The following ANK2 variants were observed in gnomAD, a reference collection of about 807,000 sequenced individuals.
The protein encoded by ANK2 is ankyrin-2.
Under a neutral mutation model 360.5 loss-of-function variants are expected in ANK2, and 83 were observed. The ratio of observed to expected loss-of-function variants is 0.23; its 90% confidence interval spans 0.19 to 0.28. The LOEUF is 0.28. Ranked by LOEUF, ANK2 falls within the 10% of genes least tolerant of loss-of-function variation. The probability of loss-of-function intolerance (pLI) is 1.00; values close to 1 mark genes in which losing one functional copy is unlikely to be tolerated. For missense variants in ANK2, 4,201 were observed against 4,795.7 expected (o/e 0.88, Z 3.66); for synonymous variants, 1,740 against 1,759.5 (o/e 0.99, Z 0.28).
chr4:113,334,167 A>G (rs1205641058), intron 29 of ANK2, among the ~76,000 whole-genome samples: 1 of 152,134 alleles, frequency 6.6e-6, no homozygotes. Flanking sequence ...TCGCTTCTTT[A>G]CCATTTCTTT....
rs968088503 is a variant in ANK2, at chr4:113,233,724, T to TA, written c.483+1476dup. Reference sequence around the variant, plus strand: ...TTTCTGACAGCTTATTCTCGTTAGTTAAAAAAAAAAATCCAAGAAATCACT... The same window carrying TA: ...TTTCTGACAGCTTATTCTCGTTAGTTAAAAAAAAAAAATCCAAGAAATCACT... On this transcript the variant is annotated intron_variant, in intron 5 of 45. Transcript: ENST00000357077. Among the ~76,000 whole-genome samples, 688 of 148,244 alleles carry TA rather than the reference T, an allele frequency of 4.6e-3. 3 individuals are homozygous for TA. The highest frequency in any genetic ancestry group is 0.011 in the African/African-American group (448 of 40,650).
chr4:112,881,929 C>A, intron 1 of ANK2: 1 of 675,284 alleles, frequency 1.5e-6, no homozygotes. Context: ...TGTGGCTTTG[C>A]ATTCACGGCT....
chr4:113,348,850 T>C (rs1339184831), intron 36 of ANK2, among the ~76,000 whole-genome samples: 1 of 152,126 alleles, frequency 6.6e-6, no homozygotes. Flanking sequence ...AATATGGATA[T>C]CTATTTATAC....
intron 1 of ANK2, among the ~76,000 whole-genome samples, chr4:113,155,607 A>C (rs1047094969): frequency 2.7e-4 from 41 of 152,262 alleles, no homozygotes; most frequent in African/African-American, 9.1e-4. Flanking sequence ...TTTAATTAAT[A>C]AATCTATAAG....
chr4:113,374,822 TG>T, intron 45 of ANK2: 1 of 1,257,428 alleles, frequency 8.0e-7, no homozygotes, highest in Non-Finnish European at 1.0e-6. Flanking sequence ...GCTGAGCCAG[TG>T]GAAGGCCGTA....
chr4:112,816,932 A>C (rs930447794), upstream of ANK2, among the ~76,000 whole-genome samples: 1 of 152,082 alleles, frequency 6.6e-6, no homozygotes, highest in Non-Finnish European at 1.5e-5. Context: ...AATCACTTGA[A>C]CCCGGGAGGG....
intron 10 of ANK2, among the ~76,000 whole-genome samples, chr4:113,252,345 C>G (rs181422364): frequency 6.6e-6 from 1 of 152,220 alleles, no homozygotes; most frequent in East Asian, 1.9e-4. Flanking sequence ...TGGGTGGGGA[C>G]ACAGCCAAAC....
At chr4:112,820,326 T>A (rs371397382) in intron 1 of ANK2, among the ~76,000 whole-genome samples, 2 of 152,308 alleles carry the variant, frequency 1.3e-5, no homozygotes, top group East Asian at 3.9e-4. Context: ...CTATTAGGAC[T>A]GATAGTTCAG....
At chr4:112,786,826 G>T in the ANK2 span, among the ~76,000 whole-genome samples, 1 of 147,882 alleles carries the variant, frequency 6.8e-6, no homozygotes, top group Non-Finnish European at 1.5e-5. Flanking sequence ...TCAGCTCAGT[G>T]CAGCCTCCAC....
At chr4:113,277,963 T>C (rs2060838648) in intron 16 of ANK2, 28 bp downstream of exon 16, 2 of 1,579,262 alleles carry the variant, frequency 1.3e-6, no homozygotes, top group Non-Finnish European at 8.7e-7. Context: ...GTTATAATTA[T>C]GTAACAGTGA....
At chr4:112,931,481 G>T (rs1325293973) in intron 2 of ANK2, among the ~76,000 whole-genome samples, 1 of 140,896 alleles carries the variant, frequency 7.1e-6, no homozygotes, top group African/African-American at 2.6e-5. Context: ...CTTTCGCCGA[G>T]GCTGGAGTGC....
chr4:113,194,381 T>C (rs1422146604), intron 2 of ANK2, among the ~76,000 whole-genome samples: 1 of 152,186 alleles, frequency 6.6e-6, no homozygotes, highest in Non-Finnish European at 1.5e-5. Flanking sequence ...CTATCTGTTC[T>C]ACCTGGGGTC....
the ANK2 span, among the ~76,000 whole-genome samples, chr4:112,741,791 G>A: frequency 6.6e-6 from 1 of 151,886 alleles, no homozygotes; most frequent in Non-Finnish European, 1.5e-5. Flanking sequence ...GACCAGCCTG[G>A]GCAACATAGT....
intron 2 of ANK2, among the ~76,000 whole-genome samples, chr4:112,969,862 T>A (rs1430896206): frequency 6.6e-6 from 1 of 152,236 alleles, no homozygotes; most frequent in Non-Finnish European, 1.5e-5. Context: ...GTAGGAGTAC[T>A]TTAGTCTCAC....
chr4:113,186,587 T>TCTCTCTCTCTCTCTCTCTC (rs370477795), intron 2 of ANK2, among the ~76,000 whole-genome samples: 1 of 46,856 alleles, frequency 2.1e-5, no homozygotes, highest in Non-Finnish European at 3.8e-5. Context: ...TCTCTCTCTC[T>TCTCTCTCTCTCTCTCTCTC]TCTCTCTCTC....
chr4:113,174,834 G>A (rs988728253), intron 2 of ANK2, among the ~76,000 whole-genome samples: 4 of 152,074 alleles, frequency 2.6e-5, no homozygotes, highest in Admixed American at 2.6e-4. Context: ...TAGTAATCCA[G>A]ATCTTGGCTT....
At chr4:113,122,912 A>C (rs1249699786) in intron 1 of ANK2, among the ~76,000 whole-genome samples, 1 of 150,894 alleles carries the variant, frequency 6.6e-6, no homozygotes, top group Non-Finnish European at 1.5e-5. Context: ...TTTTTATTAT[A>C]AATAAATTTA....
At chr4:112,988,066 C>T (rs1348975857) in intron 2 of ANK2, among the ~76,000 whole-genome samples, 4 of 152,228 alleles carry the variant, frequency 2.6e-5, no homozygotes, top group Admixed American at 6.5e-5. Flanking sequence ...CCTCAGTGTC[C>T]GGGTGACAAG....
chr4:113,257,936 A>G, intron 11 of ANK2, 114 bp from the exon 12 acceptor site: 3 of 1,053,300 alleles, frequency 2.8e-6, no homozygotes, highest in Non-Finnish European at 4.4e-6. Flanking sequence ...CAGGGATTGA[A>G]GAAATGGTAA....
Sources: gnomAD v4.1 joint callset for allele counts (sites outside exome capture counted in the v4.1 genomes callset) on GRCh38, gnomAD v4.1.1 for gene constraint, MANE v1.5 for transcripts, NCBI Gene and HGNC (gene_info 2026-07-23, HGNC 2026-07-21) for gene names.